RYR1: variants seen among roughly 807,000 people sequenced by gnomAD.
The protein encoded by RYR1 is central core disease of muscle.
RYR1 carries 342 observed loss-of-function variants against 583.5 expected under a neutral mutation model. That is an observed-to-expected ratio of 0.59 (90% confidence interval 0.54 to 0.64). The LOEUF is 0.64. RYR1 is among the 30% of genes least tolerant of loss of function. The pLI is 0.00. For synonymous variants in RYR1, 2,791 were observed against 2,822.5 expected, an observed-to-expected ratio of 0.99 and a Z score of 0.35; for missense variants, 6,032 against 6,917.2, an observed-to-expected ratio of 0.87 and a Z score of 4.54.
rs1231776662 is a variant in RYR1, at chr19:38,543,113, A to G, written c.11690-234A>G. On this transcript the variant is annotated intron_variant, in intron 84 of 105. Transcript: ENST00000359596. The surrounding 1 kb of genome is among the most constrained non-coding windows in gnomAD (Gnocchi z 4.4). The stretch of plus-strand genomic sequence containing the variant: ...TGCCTGGGCCTCCCAAAGTGCTGGA[A>G]TTACAGGCGTGAGCCACCCGGCCAG... Among the ~76,000 whole-genome samples the G allele has an allele frequency of 6.6e-6, 1 of 152,218 alleles. No homozygotes were observed.
chr19:38,506,235 G>A (rs1970442282), intron 54 of RYR1, 68 bp from the exon 55 acceptor site: 2 of 1,525,758 alleles, frequency 1.3e-6, no homozygotes, highest in Non-Finnish European at 1.8e-6. Context: ...GTGGGGCCTG[G>A]GGAGGGGCTG....
At position 38,511,623 on chromosome 19, in the gene RYR1, A is replaced by G. The variant is rs2145659384; in HGVS notation, c.9172+13A>G. ...GTCTCTCTCTTTGGTAAGTGGCTCC[A>G]CACCTTCGGTCTTCCTCCCTAATCT... is the stretch of plus-strand genomic sequence containing the variant. On this transcript the variant is annotated intron_variant, in intron 61 of 105. Coordinates refer to ENST00000359596, the MANE Select transcript of RYR1 (RefSeq NM_000540.3). 6.2e-7 allele frequency: 1 copy of G among 1,613,688 alleles called. No individual in the cohort carries two copies. Among genetic ancestry groups the G allele is most frequent in the Non-Finnish European group, 8.5e-7 (1 of 1,179,866 alleles).
Position 38,499,014 on chromosome 19 carries a change from G to A in RYR1, c.6892-94G>A, listed in dbSNP as rs1224760398. ...GGGATCAGAGCTGAACCGGACTGAG[G>A]AGCCGCAGGGCAGGGCAGGGCAGGG... On this transcript the variant is annotated intron_variant, in intron 42 of 105. Transcript: ENST00000359596. The surrounding 1 kb of genome is among the most constrained non-coding windows in gnomAD (Gnocchi z 7.3). The A allele has an allele frequency of 3.9e-6, 6 of 1,535,448 alleles. No individual in the cohort carries two copies. The highest frequency in any genetic ancestry group is 2.7e-5 in the African/African-American group (2 of 73,040).
intron 60 of RYR1, among the ~76,000 whole-genome samples, chr19:38,511,100 A>C (rs1358547778): frequency 6.6e-6 from 1 of 152,076 alleles, no homozygotes; most frequent in Non-Finnish European, 1.5e-5. Context: ...GTTTGAGGCC[A>C]GCCTGGGCAA....
intron 20 of RYR1, 139 bp downstream of exon 20, chr19:38,460,730 C>A (rs967107783): frequency 6.9e-5 from 57 of 824,834 alleles, no homozygotes; most frequent in Non-Finnish European, 7.9e-5. Flanking sequence ...GTAAGCCCAG[C>A]AATTTGGGAG....
At chr19:38,433,938 T>C in intron 1 of RYR1, 64 bp downstream of exon 1, 1 of 1,398,722 alleles carries the variant, frequency 7.1e-7, no homozygotes, top group Admixed American at 1.7e-5. Context: ...GGTCTCTCTG[T>C]CTCTGAATGT....
At chr19:38,574,397 C>G (rs193282461) in intron 96 of RYR1, among the ~76,000 whole-genome samples, 11 of 151,136 alleles carry the variant, frequency 7.3e-5, no homozygotes, top group South Asian at 2.1e-4. Flanking sequence ...GCAGGAGGAT[C>G]CCTTGTGCCC....
intron 31 of RYR1, among the ~76,000 whole-genome samples, chr19:38,480,858 T>C (rs368600515): frequency 1.3e-5 from 2 of 151,842 alleles, no homozygotes; most frequent in Admixed American, 6.6e-5. Context: ...CTCCTAAGTA[T>C]GTGAGATTAC....
At chr19:38,436,578 T>C (rs1415187155) in intron 1 of RYR1, among the ~76,000 whole-genome samples, 7 of 152,232 alleles carry the variant, frequency 4.6e-5, no homozygotes, top group Admixed American at 2.0e-4. Flanking sequence ...TGTTGCTTTT[T>C]GTTGCCGAAT....
At chr19:38,469,244 C>G (rs538241559) in intron 26 of RYR1, 61 bp from the exon 27 acceptor site, 3 of 1,606,546 alleles carry the variant, frequency 1.9e-6, no homozygotes, top group African/African-American at 2.7e-5. Context: ...ACCTCCTCCC[C>G]TCGGCTCCCT....
At position 38,483,532 on chromosome 19, in the gene RYR1, G is replaced by A; in HGVS notation, c.4934+16G>A. ...AGGAGAACCGGTCAGGGCCAGCCCA[G>A]CTATGCAGGGGTGGGCAGGTGTTGC... On this transcript the variant is annotated intron_variant, in intron 33 of 105. Transcript: ENST00000359596. This position sits in a 1 kb window ranked among gnomAD's most constrained non-coding sequence, Gnocchi z 6.3. 1 of 1,538,146 alleles carries A rather than the reference G, an allele frequency of 6.5e-7. No individual in the cohort carries two copies. Among genetic ancestry groups the A allele is most frequent in the South Asian group, 1.2e-5 (1 of 84,016 alleles).
chr19:38,522,084 G>A (rs1392834769), intron 67 of RYR1, among the ~76,000 whole-genome samples: 1 of 152,056 alleles, frequency 6.6e-6, no homozygotes, highest in Admixed American at 6.6e-5. Flanking sequence ...AAGGGGGAGT[G>A]GCTGGGAGGG....
At chr19:38,525,921 C>T (rs1387234577) in intron 71 of RYR1, among the ~76,000 whole-genome samples, 1 of 151,882 alleles carries the variant, frequency 6.6e-6, no homozygotes, top group Non-Finnish European at 1.5e-5. Flanking sequence ...TACTGAGACC[C>T]TCATGACCCC....
intron 9 of RYR1, among the ~76,000 whole-genome samples, chr19:38,447,049 T>A (rs564946445): frequency 1.1e-3 from 171 of 150,912 alleles, no homozygotes; most frequent in African/African-American, 3.3e-3. Flanking sequence ...GCAAAAAAAA[T>A]AAAATAAAAT....
At position 38,478,480 on chromosome 19, in the gene RYR1, G is replaced by A; in HGVS notation, c.4500G>A (p.Val1500=). ...ACATGGTGTGGGGCGGAGACTTTGT[G>A]AGTCCCGGGCAGCAGGGCCGGATCA... ...NCYMVWGGDF[V]SPGQQGRISH... Residue 1500 remains valine, a synonymous_variant, in exon 31 of 106, where the codon GTG becomes GTA. Transcript: ENST00000359596. 1 of 1,614,130 alleles carries A rather than the reference G, an allele frequency of 6.2e-7. No homozygotes were observed. Among genetic ancestry groups the A allele is most frequent in the East Asian group, 2.2e-5 (1 of 44,882 alleles).
intron 89 of RYR1, among the ~76,000 whole-genome samples, chr19:38,557,177 C>T (rs984873382): frequency 1.3e-5 from 2 of 151,680 alleles, no homozygotes; most frequent in African/African-American, 4.8e-5. Context: ...CCTCAGCCTC[C>T]CAAAGTGCTG....
At chr19:38,523,874 G>C (rs1033375129) in intron 69 of RYR1, 41 bp from the exon 70 acceptor site, 1 of 1,613,836 alleles carries the variant, frequency 6.2e-7, no homozygotes, top group Non-Finnish European at 8.5e-7. Flanking sequence ...TGCGGGGCTG[G>C]GGTAACCCTT....
At position 38,473,526 on chromosome 19, in the gene RYR1, G is replaced by GGCCA; in HGVS notation, c.3916_3919dup (p.Thr1307SerfsTer25). The GGCCA allele has an allele frequency of 6.2e-7, 1 of 1,612,004 alleles. No homozygotes were observed. The highest frequency in any genetic ancestry group is 8.5e-7 in the Non-Finnish European group (1 of 1,179,338). On this transcript the variant is annotated frameshift_variant, in exon 28 of 106. Transcript: ENST00000359596. LOFTEE classifies it high-confidence loss of function. Reference sequence around the variant, plus strand: ...ACCAGCACTTCCGCTGCACTGCAGGGGCCACCCCGCTGGCACCTCCTGGCC... The same window carrying GGCCA: ...ACCAGCACTTCCGCTGCACTGCAGGGGCCAGCCACCCCGCTGGCACCTCCTGGCC...
At position 38,448,439 on chromosome 19, in the gene RYR1, C is replaced by A; in HGVS notation, c.885C>A (p.Asp295Glu). ...TTGQYLALTEDQGLVVVDASK... is the reference protein window; with the variant it reads ...TTGQYLALTEEQGLVVVDASK... ...GGCAGTACCTAGCGCTCACCGAGGACCAGGGCCTGGTGGTGGTTGACGCCA... is the reference window on the plus strand; with the variant it reads ...GGCAGTACCTAGCGCTCACCGAGGAACAGGGCCTGGTGGTGGTTGACGCCA... The change falls in exon 10 of 106, where the codon GAC (aspartate) becomes GAA (glutamate). Residue 295 changes from aspartate to glutamate, a missense_variant. Around this residue, in one of 11 missense-constraint regions of RYR1, gnomAD observed 338 missense variants for 441.6 expected, o/e 0.77. Coordinates refer to ENST00000359596, the MANE Select transcript of RYR1 (RefSeq NM_000540.3). The A allele has an allele frequency of 6.2e-7, 1 of 1,613,840 alleles. No individual in the cohort carries two copies. The highest frequency in any genetic ancestry group is 8.5e-7 in the Non-Finnish European group (1 of 1,180,016).
Sources: gnomAD v4.1 joint callset for allele counts (sites outside exome capture counted in the v4.1 genomes callset) on GRCh38, gnomAD v4.1.1 for gene constraint, gnomAD v4.1.1 regional missense constraint, Gnocchi (gnomAD v3.1) non-coding constraint, MANE v1.5 for transcripts, NCBI Gene and HGNC (gene_info 2026-07-23, HGNC 2026-07-21) for gene names.